Variants in CTNNA1 observed in about 807,000 individuals in gnomAD.
CTNNA1 encodes catenin alpha 1.
Under a neutral mutation model 98.4 loss-of-function variants are expected in CTNNA1, and 37 were observed. The observed-to-expected ratio is 0.38, with a 90% CI of 0.29 to 0.49. CTNNA1 has a LOEUF of 0.49. CTNNA1 is among the 20% of genes least tolerant of loss of function. CTNNA1 has a pLI of 0.95. For missense variants in CTNNA1, 761 were observed against 1,147.2 expected (o/e 0.66, Z 4.86); for synonymous variants, 404 against 413.2 (o/e 0.98, Z 0.27).
chr5:138,917,796 G>T lies in CTNNA1; in HGVS notation c.1444G>T (p.Glu482Ter), dbSNP rs1314978664. 1 of 1,614,048 alleles carries T rather than the reference G, an allele frequency of 6.2e-7. No homozygotes were observed. The highest frequency in any genetic ancestry group is 8.5e-7 in the Non-Finnish European group (1 of 1,180,030). Reference protein sequence around the residue: ...AAKPQSKLAQENMDLFKEQWE... With the variant: ...AAKPQSKLAQ ...AAAACCACAGAGTAAACTGGCCCAA[G>T]AGAACATGGATCTTTTTAAAGAACA... Residue 482 changes from glutamate to a stop codon, truncating the protein, a stop_gained, in exon 11 of 18, where the codon GAG becomes TAG. Coordinates refer to ENST00000302763, the MANE Select transcript of CTNNA1 (RefSeq NM_001903.5). LOFTEE classifies it high-confidence loss of function.
intron 7 of CTNNA1, among the ~76,000 whole-genome samples, chr5:138,864,257 T>G (rs1018891795): frequency 2.0e-5 from 3 of 152,074 alleles, no homozygotes; most frequent in African/African-American, 7.2e-5. Flanking sequence ...TGGCCTTTTC[T>G]TTTTTTTAGA....
chr5:138,901,080 G>C (rs774276653), intron 9 of CTNNA1, among the ~76,000 whole-genome samples: 125 of 152,062 alleles, frequency 8.2e-4, no homozygotes, highest in Non-Finnish European at 9.7e-4. Flanking sequence ...TGGCTCTGCT[G>C]GGTTCTCTGT....
intron 3 of CTNNA1, among the ~76,000 whole-genome samples, chr5:138,799,435 C>T (rs825750): frequency 0.65 from 99,152 of 152,010 alleles, 33,071 homozygotes; most frequent in East Asian, 0.93. Context: ...GCTGGGATTA[C>T]AGGCGTGACC....
chr5:138,777,390 A>AG (rs1754442286), intron 1 of CTNNA1, among the ~76,000 whole-genome samples: 1 of 150,192 alleles, frequency 6.7e-6, no homozygotes, highest in African/African-American at 2.5e-5. Context: ...AGCCAGGCAG[A>AG]GGGGCTCCTC....
intron 10 of CTNNA1, among the ~76,000 whole-genome samples, chr5:138,910,917 G>T (rs1362402262): frequency 6.6e-6 from 1 of 152,166 alleles, no homozygotes; most frequent in African/African-American, 2.4e-5. Flanking sequence ...GTTTTGAGTA[G>T]AAGAGTGACA....
chr5:138,877,480 G>A (rs1293815783), intron 7 of CTNNA1, among the ~76,000 whole-genome samples: 5 of 144,412 alleles, frequency 3.5e-5, no homozygotes, highest in Admixed American at 2.2e-4. Context: ...TCGCTCTGTC[G>A]CCCAGGCCGG....
intron 7 of CTNNA1, among the ~76,000 whole-genome samples, chr5:138,858,422 T>C (rs1763928345): frequency 6.6e-6 from 1 of 152,122 alleles, no homozygotes; most frequent in Non-Finnish European, 1.5e-5. Flanking sequence ...CTCCTGCGCC[T>C]GTCCCAGTAT....
intron 1 of CTNNA1, among the ~76,000 whole-genome samples, chr5:138,780,808 G>T (rs557591727): frequency 6.6e-5 from 10 of 152,240 alleles, no homozygotes; most frequent in African/African-American, 2.4e-4. Context: ...GAGCCACCAC[G>T]CCCAGCCTTT....
Position 138,840,416 on chromosome 5 carries a change from A to G in CTNNA1, c.1062+12698A>G, listed in dbSNP as rs1188837532. 2.0e-5 allele frequency among the ~76,000 whole-genome samples: 3 copies of G among 152,200 alleles called. No individual in the cohort carries two copies. The East Asian group carries it at 5.8e-4, about 29-fold the overall frequency. The stretch of plus-strand genomic sequence containing the variant: ...CTCGTGTGTTTGTGTGTGCAATGCC[A>G]TGTTTGGTGTGAACGTAAAACTATA... On this transcript the variant is annotated intron_variant, in intron 7 of 17. Transcript: ENST00000302763.
At chr5:138,828,490 G>C (rs956984632) in intron 7 of CTNNA1, among the ~76,000 whole-genome samples, 1 of 151,754 alleles carries the variant, frequency 6.6e-6, no homozygotes, top group Non-Finnish European at 1.5e-5. Flanking sequence ...GCTAGCTTAG[G>C]GTTCCTGTCA....
chr5:138,873,175 C>T lies in CTNNA1; in HGVS notation c.1063-13037C>T, dbSNP rs982248974. 3 of 1,613,158 alleles carry T rather than the reference C, an allele frequency of 1.9e-6. No homozygotes were observed. The highest frequency in any genetic ancestry group is 2.5e-6 in the Non-Finnish European group (3 of 1,179,696). ...TTTGGGATCGGAGCTGCCTGTGGTT[C>T]TGAACCATTGAGCACTGCCTAATTC... On this transcript the variant is annotated intron_variant, in intron 7 of 17. Transcript: ENST00000302763. This position sits in a 1 kb window ranked among gnomAD's most constrained non-coding sequence, Gnocchi z 6.1.
At chr5:138,844,087 A>G (rs1218694028) in intron 7 of CTNNA1, among the ~76,000 whole-genome samples, 1 of 77,358 alleles carries the variant, frequency 1.3e-5, no homozygotes, top group East Asian at 1.5e-3. Context: ...AGTGGAAGCA[A>G]GTTTGTGGAA....
intron 12 of CTNNA1, 55 bp downstream of exon 12, chr5:138,924,765 G>A (rs1763649548): frequency 8.2e-6 from 12 of 1,465,442 alleles, no homozygotes; most frequent in South Asian, 4.9e-5. Context: ...CAGTGAGGCA[G>A]GCCACCCCAT....
intron 9 of CTNNA1, among the ~76,000 whole-genome samples, chr5:138,899,434 G>A (rs1035737940): frequency 2.0e-5 from 3 of 152,148 alleles, no homozygotes; most frequent in African/African-American, 7.2e-5. Flanking sequence ...GCCAGCTTTT[G>A]ATTAGAATTT....
chr5:138,825,482 G>GTTTTTTTTTTTTTTTTTTTTTTTTTT lies in CTNNA1; in HGVS notation c.858+699_858+700insTTTTTTTTTTTTTTTTTTTTTTTTTT, dbSNP rs756586452. ...CTTCCAGTAGATGGCAGCAGTATAA[G>GTTTTTTTTTTTTTTTTTTTTTTTTTT]TTTTTTTTTTTTTTTTAGGGCTTTA... On this transcript the variant is annotated intron_variant, in intron 6 of 17. Transcript: ENST00000302763. Among the ~76,000 whole-genome samples the GTTTTTTTTTTTTTTTTTTTTTTTTTT allele has an allele frequency of 2.3e-4, 17 of 74,110 alleles. 4 individuals carry two copies. The highest frequency in any genetic ancestry group is 2.4e-4 in the Non-Finnish European group (10 of 42,006). The allele number at this position is 74,110 out of a possible 152,430, so 48.6% of individuals were successfully genotyped here. A position where few individuals can be genotyped will look rare whatever the true frequency, so the allele number is the denominator to read the frequency against.
At chr5:138,766,349 T>C (rs1752938288) in intron 1 of CTNNA1, among the ~76,000 whole-genome samples, 1 of 151,960 alleles carries the variant, frequency 6.6e-6, no homozygotes, top group Non-Finnish European at 1.5e-5. Flanking sequence ...AATATTTTCT[T>C]GGAGTGGAGA....
chr5:138,864,147 A>G (rs1391434947), intron 7 of CTNNA1, among the ~76,000 whole-genome samples: 15 of 152,158 alleles, frequency 9.9e-5, no homozygotes, highest in Admixed American at 9.8e-4. Flanking sequence ...TAGTAGAGAC[A>G]GGGTTTTGCC....
chr5:138,797,963 A>G (rs1338771257), intron 3 of CTNNA1, among the ~76,000 whole-genome samples: 1 of 152,176 alleles, frequency 6.6e-6, no homozygotes, highest in African/African-American at 2.4e-5. Flanking sequence ...GCACAAAAGG[A>G]ACAATTATTA....
intron 7 of CTNNA1, among the ~76,000 whole-genome samples, chr5:138,834,043 T>C (rs966671526): frequency 1.3e-5 from 2 of 152,252 alleles, no homozygotes; most frequent in African/African-American, 4.8e-5. Flanking sequence ...ATGCAGCTAA[T>C]GTTCATTTTC....
Sources: allele counts gnomAD v4.1 joint callset (sites outside exome capture counted in the v4.1 genomes callset), GRCh38; gene constraint gnomAD v4.1.1; non-coding constraint Gnocchi (gnomAD v3.1); transcripts MANE v1.5; gene names NCBI Gene and HGNC (gene_info 2026-07-23, HGNC 2026-07-21).